The following ADAD1 variants were observed in gnomAD, a reference collection of about 807,000 sequenced individuals.
ADAD1 encodes adenosine deaminase domain-containing protein 1.
ADAD1 carries 46 observed loss-of-function variants against 66.8 expected under a neutral mutation model. The ratio of observed to expected loss-of-function variants is 0.69; its 90% CI spans 0.54 to 0.88. ADAD1 has a LOEUF of 0.88. ADAD1 is among the 40% of genes least tolerant of loss of function. The pLI is 0.00. For synonymous variants in ADAD1, 248 were observed against 229.4 expected, an observed-to-expected ratio of 1.08 and a Z score of -0.73; for missense variants, 617 against 681.8, an observed-to-expected ratio of 0.91 and a Z score of 1.06.
At chr4:122,399,002 G>A (rs1472751094) in intron 7 of ADAD1, among the ~76,000 whole-genome samples, 2 of 152,010 alleles carry the variant, frequency 1.3e-5, no homozygotes, top group Non-Finnish European at 2.9e-5. Context: ...CTTTGTTTTT[G>A]TTGCATTTGC....
chr4:122,384,835 T>C (rs1253875203), intron 5 of ADAD1, among the ~76,000 whole-genome samples: 1 of 152,216 alleles, frequency 6.6e-6, no homozygotes, highest in Non-Finnish European at 1.5e-5. Context: ...CCATGTCTGC[T>C]GCCACTACTT....
rs371115013 is a variant in ADAD1, at chr4:122,388,722, T to G, written c.529+4756T>G. Among the ~76,000 whole-genome samples the G allele has an allele frequency of 2.6e-5, 4 of 152,340 alleles. No individual in the cohort carries two copies. In the South Asian group the frequency reaches 8.3e-4, roughly 32 times the overall value. On this transcript the variant is annotated intron_variant, in intron 5 of 12. Transcript: ENST00000296513. ...GTGGGGTCAGTGGTGATATCCCCTTTATCATTTTTTATTGTGTCTATTTGA... is the reference window on the plus strand; with the variant it reads ...GTGGGGTCAGTGGTGATATCCCCTTGATCATTTTTTATTGTGTCTATTTGA...
rs1389167768 is a variant in ADAD1 at position 122,415,391 on chromosome 4, G to GCAGTGATAC, written c.1266_1274dup (p.Ser422_Thr424dup). Reference sequence around the variant, plus strand: ...TTTTGCTTTCTAGGTGATGGGAATTGCAGTGATACCAGAGGCTTAGAAATC... The same window carrying GCAGTGATAC: ...TTTTGCTTTCTAGGTGATGGGAATTGCAGTGATACCAGTGATACCAGAGGCTTAGAAATC... On this transcript the variant is annotated inframe_insertion, in exon 11 of 13. Transcript: ENST00000296513. 1.9e-6 allele frequency: 3 copies of GCAGTGATAC among 1,612,724 alleles called. No homozygotes were observed. In the African/African-American group the frequency reaches 4.0e-5, roughly 22 times the overall value.
At chr4:122,429,127 A>T (rs1314760642) in intron 12 of ADAD1, among the ~76,000 whole-genome samples, 1 of 138,046 alleles carries the variant, frequency 7.2e-6, no homozygotes, top group Non-Finnish European at 1.5e-5. Context: ...TTAAAATGTT[A>T]AAAAAAAAAA....
chr4:122,385,400 G>A (rs1323314297), intron 5 of ADAD1, among the ~76,000 whole-genome samples: 2 of 152,014 alleles, frequency 1.3e-5, no homozygotes, highest in East Asian at 3.9e-4. Flanking sequence ...AGCCTCCCTA[G>A]TAGCTGGGAT....
chr4:122,392,187 C>T (rs1004319382), intron 5 of ADAD1, among the ~76,000 whole-genome samples: 1 of 152,128 alleles, frequency 6.6e-6, no homozygotes, highest in Non-Finnish European at 1.5e-5. Flanking sequence ...ATGTCAACAA[C>T]TCTATTACTG....
chr4:122,405,945 T>C (rs903547737), intron 7 of ADAD1, among the ~76,000 whole-genome samples: 7 of 152,118 alleles, frequency 4.6e-5, no homozygotes, highest in Admixed American at 2.0e-4. Flanking sequence ...AATATTCCAT[T>C]ATATATATGT....
intron 4 of ADAD1, 74 bp from the exon 5 acceptor site, chr4:122,383,725 T>C: frequency 2.1e-6 from 3 of 1,428,984 alleles, no homozygotes; most frequent in Non-Finnish European, 2.8e-6. Context: ...CTGGAATGTT[T>C]TCCTATGTAC....
At chr4:122,380,620 G>A in intron 3 of ADAD1, 1 of 297,020 alleles carries the variant, frequency 3.4e-6, no homozygotes. Context: ...GTGAGAAAAT[G>A]AGTGGATGGG....
chr4:122,398,119 T>TGTA (rs1444218457), intron 7 of ADAD1, among the ~76,000 whole-genome samples: 1 of 152,220 alleles, frequency 6.6e-6, no homozygotes, highest in East Asian at 1.9e-4. Context: ...GTACCCAGTG[T>TGTA]GTAGTCTTTT....
intron 12 of ADAD1, among the ~76,000 whole-genome samples, chr4:122,425,104 G>T (rs1797171722): frequency 6.6e-6 from 1 of 152,076 alleles, no homozygotes; most frequent in Non-Finnish European, 1.5e-5. Context: ...TTCAGCAACT[G>T]TAGTTGGTTT....
rs1281338818 is a variant in ADAD1, at chr4:122,393,613, C to T, written c.554C>T (p.Pro185Leu). 6.3e-7 allele frequency: 1 copy of T among 1,599,846 alleles called. No individual in the cohort carries two copies. Residue 185 changes from proline to leucine, a missense_variant, in exon 6 of 13, where the codon CCT becomes CTT. Transcript: ENST00000296513. ...GGTCCTCCTCCTTTCCCTGCAGAAC[C>T]TGTTGTTTTATCTGAACTAGCATAT... Reference protein sequence around the residue: ...TSGPPPFPAEPVVLSELAYVS... With the variant: ...TSGPPPFPAELVVLSELAYVS...
intron 6 of ADAD1, among the ~76,000 whole-genome samples, chr4:122,395,613 C>T (rs888681171): frequency 8.0e-5 from 12 of 150,844 alleles, no homozygotes; most frequent in Middle Eastern, 3.4e-3. Flanking sequence ...CCCGGGAGGC[C>T]GAGATCATGC....
rs773460348 is a variant in ADAD1, at chr4:122,412,630, G to A, written c.1070G>A (p.Cys357Tyr). 4.3e-6 allele frequency: 7 copies of A among 1,613,834 alleles called. No homozygotes were observed. In the Admixed American group the frequency reaches 1.2e-4, roughly 27 times the overall value. ...GCATTTGAAGCCAATGAAGAACTCT[G>A]TCTCCACGTGGCTGTTGAAGGCAAA... ...ISAFEANEEL[C>Y]LHVAVEGKIY... The change falls in exon 10 of 13, where the codon TGT becomes TAT. Residue 357 changes from cysteine to tyrosine, a missense_variant. Physicochemically the swap from Cys to Tyr is radical, Grantham distance 194. Coordinates refer to ENST00000296513, the MANE Select transcript of ADAD1 (RefSeq NM_139243.4).
chr4:122,413,991 T>A (rs1416673234), intron 10 of ADAD1, among the ~76,000 whole-genome samples: 1 of 149,858 alleles, frequency 6.7e-6, no homozygotes, highest in Non-Finnish European at 1.5e-5. Flanking sequence ...TCATAATTTT[T>A]CAATTATATG....
At chr4:122,380,851 A>C (rs781490923) in intron 3 of ADAD1, 141 bp from the exon 4 acceptor site, 3 of 773,406 alleles carry the variant, frequency 3.9e-6, no homozygotes, top group African/African-American at 3.6e-5. Context: ...TGTGTGCCAA[A>C]ATTGTTTAGT....
chr4:122,427,581 C>A (rs1580819832), intron 12 of ADAD1, among the ~76,000 whole-genome samples: 1 of 115,264 alleles, frequency 8.7e-6, no homozygotes, highest in Non-Finnish European at 1.6e-5. Flanking sequence ...GTCACCCAGG[C>A]TGGAATGTGA....
At chr4:122,415,827 G>A (rs1436371206) in intron 11 of ADAD1, among the ~76,000 whole-genome samples, 1 of 151,958 alleles carries the variant, frequency 6.6e-6, no homozygotes, top group African/African-American at 2.4e-5. Flanking sequence ...GACAGATGTG[G>A]AGAAGTTATA....
intron 9 of ADAD1, among the ~76,000 whole-genome samples, chr4:122,411,748 T>TG (rs551311175): frequency 6.6e-5 from 10 of 152,110 alleles, no homozygotes; most frequent in Non-Finnish European, 1.3e-4. Flanking sequence ...TATTCCAGTG[T>TG]GAAAAAAATA....
Sources: allele counts gnomAD v4.1 joint callset (sites outside exome capture counted in the v4.1 genomes callset), GRCh38; gene constraint gnomAD v4.1.1; transcripts MANE v1.5; gene names NCBI Gene and HGNC (gene_info 2026-07-23, HGNC 2026-07-21).